USP19: variants seen among roughly 807,000 people sequenced by gnomAD.
USP19 encodes ubiquitin specific peptidase 19, also known as ubiquitin carboxyl-terminal hydrolase 19.
Under a neutral mutation model 144.8 loss-of-function variants are expected in USP19, and 40 were observed. That is an observed-to-expected ratio of 0.28 (90% CI 0.21 to 0.36). USP19 has a LOEUF of 0.36. Among genes scored for constraint, USP19 ranks in the 10% least tolerant of loss-of-function variants. USP19 has a pLI of 1.00. For missense variants in USP19, 1,518 were observed against 1,822.5 expected, an observed-to-expected ratio of 0.83 and a Z score of 3.04; for synonymous variants, 701 against 709.3, an observed-to-expected ratio of 0.99 and a Z score of 0.19.
intron 2 of USP19, 71 bp from the exon 3 acceptor site, chr3:49,118,191 G>A (rs2044508598): frequency 1.6e-6 from 1 of 623,678 alleles, no homozygotes; most frequent in Non-Finnish European, 2.8e-6. Context: ...CTTGAGCCCA[G>A]GACTTTGAGG....
chr3:49,115,431 G>A lies in USP19; in HGVS notation c.1888+13C>T, dbSNP rs1346882809. 2 of 1,613,816 alleles carry A rather than the reference G, an allele frequency of 1.2e-6. No individual in the cohort carries two copies. The highest frequency in any genetic ancestry group is 1.3e-5 in the African/African-American group (1 of 74,942). The stretch of plus-strand genomic sequence containing the variant: ...TCTCTGCCCATAACCCAGGCTCCAG[G>A]CCCTGCCCTCACCATGGAAGAAGTC... On this transcript the variant is annotated intron_variant, in intron 12 of 26. Transcript: ENST00000417901. The surrounding 1 kb of genome is among the most constrained non-coding windows in gnomAD (Gnocchi z 6.6).
At position 49,115,868 on chromosome 3, in the gene USP19, G is replaced by A. The variant is rs375520717; in HGVS notation, c.1548C>T (p.Pro516=). The change falls in exon 11 of 27, where the codon CCC becomes CCT. Residue 516 remains proline, a synonymous_variant. Coordinates refer to ENST00000417901, the MANE Select transcript of USP19 (RefSeq NM_001199161.2). This position sits in a 1 kb window ranked among gnomAD's most constrained non-coding sequence, Gnocchi z 6.6. ...PLDSTPPGGA[P]HPLTGQEEAR... is the part of the protein sequence containing the mutation. ...CCTCCTCCTGGCCTGTCAGGGGGTGGGGAGCACCTCCTGGTGGGGTTGAAT... is the reference window on the plus strand; with the variant it reads ...CCTCCTCCTGGCCTGTCAGGGGGTGAGGAGCACCTCCTGGTGGGGTTGAAT... 1.2e-6 allele frequency: 2 copies of A among 1,602,094 alleles called. No homozygotes were observed. The highest frequency in any genetic ancestry group is 1.3e-5 in the African/African-American group (1 of 74,290).
At position 49,116,868 on chromosome 3, in the gene USP19, C is replaced by T. The variant is rs1411751009; in HGVS notation, c.985G>A (p.Ala329Thr). 1 of 1,614,150 alleles carries T rather than the reference C, an allele frequency of 6.2e-7. No homozygotes were observed. The highest frequency in any genetic ancestry group is 8.5e-7 in the Non-Finnish European group (1 of 1,180,032). The change falls in exon 7 of 27, where the codon GCC becomes ACC. Residue 329 changes from alanine (A) to threonine (T), a missense_variant. Physicochemically the swap from Ala to Thr is moderately conservative, Grantham distance 58. Transcript: ENST00000417901. This position sits in a 1 kb window ranked among gnomAD's most constrained non-coding sequence, Gnocchi z 5.0. ...ACTGCTTTCTCTCCTGCCAAAGGGG[C>T]TAAATTCTCCTCTGAGCCCAGGAGG... ...TCLLGSEENL[A>T]PLAGEKAVPP...
rs1239314863 is a variant in USP19 at position 49,117,154 on chromosome 3, C to T, written c.814G>A (p.Val272Met). 2 of 1,548,662 alleles carry T rather than the reference C, an allele frequency of 1.3e-6. No homozygotes were observed. Among genetic ancestry groups the T allele is most frequent in the Non-Finnish European group, 1.7e-6 (2 of 1,146,760 alleles). The change falls in exon 6 of 27, where the codon GTG becomes ATG. Residue 272 changes from valine to methionine, a missense_variant. Physicochemically the swap from Val to Met is conservative, Grantham distance 21. Coordinates refer to ENST00000417901, the MANE Select transcript of USP19 (RefSeq NM_001199161.2). The surrounding 1 kb of genome is among the most constrained non-coding windows in gnomAD (Gnocchi z 4.4). ...CCCTCTGGCCCTCTGCAGAGATGCA[C>T]AGCCCTCTTGGCGCTGGGCCCTGCC... Reference protein sequence around the residue: ...AQAGPSAKRAVHLCRGPEGDG... With the variant: ...AQAGPSAKRAMHLCRGPEGDG...
At chr3:49,113,543 G>A (rs1339702617) in intron 17 of USP19, among the ~76,000 whole-genome samples, 3 of 151,834 alleles carry the variant, frequency 2.0e-5, no homozygotes, top group Admixed American at 6.6e-5. Flanking sequence ...CTCCCAAAGA[G>A]CTGGGATTAC....
At chr3:49,109,198 G>A in intron 26 of USP19, 1 of 1,459,698 alleles carries the variant, frequency 6.9e-7, no homozygotes, top group Non-Finnish European at 9.1e-7. Context: ...AGGGTATGTG[G>A]AAACGGCCAT....
rs2044034190 is a variant in USP19 at position 49,115,982 on chromosome 3, C to T, written c.1472-38G>A. ...GAATGAGAGGGCTGGTGGTTAGCAG[C>T]ATGTGACAGGGGTTTGGGTCCTGGT... On this transcript the variant is annotated intron_variant, in intron 10 of 26. Coordinates refer to ENST00000417901, the MANE Select transcript of USP19 (RefSeq NM_001199161.2). This position sits in a 1 kb window ranked among gnomAD's most constrained non-coding sequence, Gnocchi z 6.6. The T allele has an allele frequency of 3.8e-6, 6 of 1,564,228 alleles. No homozygotes were observed. In the East Asian group the frequency reaches 1.3e-4, roughly 35 times the overall value.
Position 49,115,738 on chromosome 3 carries a change from T to A in USP19, c.1678A>T (p.Thr560Ser). 6.2e-7 allele frequency: 1 copy of A among 1,611,112 alleles called. No individual in the cohort carries two copies. Among genetic ancestry groups the A allele is most frequent in the Non-Finnish European group, 8.5e-7 (1 of 1,177,778 alleles). ...AGAATTCTCACCGAGGCCAGGTGTG[T>A]CTCTGGCTTTGGGGTTACATGCTCC... ...PMEHVTPKPE[T>S]HLASPKPTCM... Residue 560 changes from threonine to serine, a missense_variant, in exon 11 of 27, where the codon ACA (threonine) becomes TCA (serine). Coordinates refer to ENST00000417901, the MANE Select transcript of USP19 (RefSeq NM_001199161.2). This position sits in a 1 kb window ranked among gnomAD's most constrained non-coding sequence, Gnocchi z 6.6.
rs377525076 is a variant in USP19, at chr3:49,112,580, T to C, written c.2555A>G (p.Asp852Gly). ...GAGCGTATCAGATGGGGACACAGTG[T>C]CCAGTGAGTGGGAGGGTAGGAACAC... is the stretch of plus-strand genomic sequence containing the variant. ...HRVFLPSHSL[D>G]TVSPSDTLLC... The change falls in exon 18 of 27, where the codon GAC (aspartate) becomes GGC (glycine). Residue 852 changes from aspartate to glycine, a missense_variant. By Grantham distance (94) the Asp-to-Gly change is moderately conservative. This residue lies in a region of USP19 where 413 missense variants were observed against 515.8 expected (regional missense o/e 0.80). Coordinates refer to ENST00000417901, the MANE Select transcript of USP19 (RefSeq NM_001199161.2). This position sits in a 1 kb window ranked among gnomAD's most constrained non-coding sequence, Gnocchi z 4.9. The C allele has an allele frequency of 3.0e-5, 48 of 1,613,958 alleles. No homozygotes were observed. Among genetic ancestry groups the C allele is most frequent in the Non-Finnish European group, 3.9e-5 (46 of 1,179,984 alleles).
rs187920499 is a variant in USP19 at position 49,112,616 on chromosome 3, C to T, written c.2519G>A (p.Arg840His). 832 of 1,613,170 alleles carry T rather than the reference C, an allele frequency of 5.2e-4. 1 individual carries two copies. The Middle Eastern group carries it at 7.6e-3, about 15-fold the overall frequency. ...GGAGGGTAGGAACACACGATGAAAA[C>T]GATTCTTAATTACCTGGGGACAGAG... The part of the protein sequence containing the change: ...NLRLAEVIKN[R>H]FHRVFLPSHS... Residue 840 changes from arginine (R) to histidine (H), a missense_variant, in exon 18 of 27, where the codon CGT becomes CAT. Transcript: ENST00000417901. This position sits in a 1 kb window ranked among gnomAD's most constrained non-coding sequence, Gnocchi z 4.9.
chr3:49,113,895 A>G, intron 17 of USP19, 97 bp downstream of exon 17: 1 of 1,325,878 alleles, frequency 7.5e-7, no homozygotes, highest in African/African-American at 1.5e-5. Context: ...TGCCCAGCCC[A>G]TGTGTATGTC....
chr3:49,115,622 C>T lies in USP19; in HGVS notation c.1710G>A (p.Met570Ile). The stretch of plus-strand genomic sequence containing the variant: ...CTGGGCTGTGGGGCATGGGAGGCAC[C>T]ATGCATGTAGGCTTGGGCTGCAGGA... ...THLASPKPTC[M>I]VPPMPHSPVS... Residue 570 changes from methionine (M) to isoleucine (I), a missense_variant, in exon 12 of 27, where the codon ATG becomes ATA. By Grantham distance (10) the Met-to-Ile change is conservative. Around this residue, in one of 5 missense-constraint regions of USP19, gnomAD observed 158 missense variants for 277.3 expected, o/e 0.57. Transcript: ENST00000417901. The surrounding 1 kb of genome is among the most constrained non-coding windows in gnomAD (Gnocchi z 6.6). 2.5e-6 allele frequency: 4 copies of T among 1,609,192 alleles called. No individual in the cohort carries two copies. Among genetic ancestry groups the T allele is most frequent in the Non-Finnish European group, 3.4e-6 (4 of 1,177,572 alleles).
intron 17 of USP19, 46 bp downstream of exon 17, chr3:49,113,946 A>G: frequency 6.3e-7 from 1 of 1,587,074 alleles, no homozygotes; most frequent in Non-Finnish European, 8.6e-7. Context: ...TGGTGAGTAC[A>G]CACACACATC....
Position 49,112,138 on chromosome 3 carries a change from T to C in USP19, c.2766-90A>G, listed in dbSNP as rs886807065. ...CTAGTCATAGTCCCTGGGAACTGGG[T>C]ACGCCAGCCCTGCCTCCCCCAGAGC... On this transcript the variant is annotated intron_variant, in intron 19 of 26. Transcript: ENST00000417901. This position sits in a 1 kb window ranked among gnomAD's most constrained non-coding sequence, Gnocchi z 4.9. 4 of 1,561,790 alleles carry C rather than the reference T, an allele frequency of 2.6e-6. No homozygotes were observed. In the Middle Eastern group the frequency reaches 7.2e-4, roughly 283 times the overall value.
Position 49,116,636 on chromosome 3 carries a change from C to T in USP19, c.1127-29G>A, listed in dbSNP as rs1252990318. 6.2e-7 allele frequency: 1 copy of T among 1,613,628 alleles called. No individual in the cohort carries two copies. The highest frequency in any genetic ancestry group is 2.2e-5 in the East Asian group (1 of 44,886). On this transcript the variant is annotated intron_variant, in intron 7 of 26. Coordinates refer to ENST00000417901, the MANE Select transcript of USP19 (RefSeq NM_001199161.2). This position sits in a 1 kb window ranked among gnomAD's most constrained non-coding sequence, Gnocchi z 5.0. ...TATTGAGACCATGGCTCAGCCCCAA[C>T]CAGGACAGGTTCCAGCCTATTGCTA...
At chr3:49,109,013 A>G in intron 26 of USP19, 4 of 1,613,674 alleles carry the variant, frequency 2.5e-6, no homozygotes, top group Non-Finnish European at 3.4e-6. Context: ...CACGAGGGCC[A>G]CCAAAGCCGC....
chr3:49,113,735 C>T (rs2043587820), intron 17 of USP19, among the ~76,000 whole-genome samples: 1 of 152,178 alleles, frequency 6.6e-6, no homozygotes. Context: ...GTAGCTGGGA[C>T]TATAACACGT....
At position 49,116,348 on chromosome 3, in the gene USP19, A is replaced by C. The variant is rs1216994119; in HGVS notation, c.1287T>G (p.Asp429Glu). Residue 429 changes from aspartate (D) to glutamate (E), a missense_variant, in exon 9 of 27, where the codon GAT becomes GAG. Physicochemically the swap from Asp to Glu is conservative, Grantham distance 45. Around this residue, in one of 5 missense-constraint regions of USP19, gnomAD observed 707 missense variants for 728.9 expected, o/e 0.97. Coordinates refer to ENST00000417901, the MANE Select transcript of USP19 (RefSeq NM_001199161.2). The surrounding 1 kb of genome is among the most constrained non-coding windows in gnomAD (Gnocchi z 5.0). Reference sequence around the variant, plus strand: ...CCGGGTGCAGCCTCAGGAAGTTTCCATCCCTGCAGAGGCACAGCAGGATAG... The same window carrying C: ...CCGGGTGCAGCCTCAGGAAGTTTCCCTCCCTGCAGAGGCACAGCAGGATAG... ...QDFTLIFQTR[D>E]GNFLRLHPGC... 2 of 1,614,098 alleles carry C rather than the reference A, an allele frequency of 1.2e-6. No individual in the cohort carries two copies. Among genetic ancestry groups the C allele is most frequent in the Non-Finnish European group, 1.7e-6 (2 of 1,180,028 alleles).
At chr3:49,113,897 G>T in intron 17 of USP19, 95 bp downstream of exon 17, 1 of 1,345,934 alleles carries the variant, frequency 7.4e-7, no homozygotes, top group Non-Finnish European at 1.0e-6. Flanking sequence ...CCCAGCCCAT[G>T]TGTATGTCTG....
Sources: allele counts gnomAD v4.1 joint callset (sites outside exome capture counted in the v4.1 genomes callset), GRCh38; gene constraint gnomAD v4.1.1; regional missense constraint gnomAD v4.1.1; non-coding constraint Gnocchi (gnomAD v3.1); transcripts MANE v1.5; gene names NCBI Gene and HGNC (gene_info 2026-07-23, HGNC 2026-07-21).